NRDE2: variants seen among roughly 807,000 people sequenced by gnomAD.
NRDE2 encodes NRDE-2, necessary for RNA interference, domain containing.
A neutral mutation model predicts 124.2 loss-of-function variants in NRDE2; 76 were observed. The observed-to-expected ratio is 0.61, with a 90% confidence interval of 0.51 to 0.74. NRDE2 has a LOEUF of 0.74. NRDE2 is among the 30% of genes least tolerant of loss of function. The pLI is 0.00. For synonymous variants in NRDE2, 489 were observed against 528.1 expected (o/e 0.93, Z 1.01); for missense variants, 1,314 against 1,417.3 (o/e 0.93, Z 1.17).
At chr14:90,308,413 C>G (rs546567761) in intron 4 of NRDE2, among the ~76,000 whole-genome samples, 1 of 152,124 alleles carries the variant, frequency 6.6e-6, no homozygotes, top group Non-Finnish European at 1.5e-5. Context: ...TCTGACTTCC[C>G]GGAACTTCCA....
chr14:90,313,791 T>C (rs899037845), intron 3 of NRDE2, among the ~76,000 whole-genome samples: 4 of 152,190 alleles, frequency 2.6e-5, no homozygotes, highest in Non-Finnish European at 5.9e-5. Context: ...TCTTAATTAT[T>C]CTTGGCAGGG....
chr14:90,305,506 A>C (rs866952590), intron 4 of NRDE2, among the ~76,000 whole-genome samples: 1 of 152,230 alleles, frequency 6.6e-6, no homozygotes, highest in Non-Finnish European at 1.5e-5. Context: ...CTAACAGCCA[A>C]ACACTGAAAG....
chr14:90,331,254 T>G (rs1885686913), intron 1 of NRDE2, among the ~76,000 whole-genome samples: 1 of 152,204 alleles, frequency 6.6e-6, no homozygotes, highest in Non-Finnish European at 1.5e-5. Flanking sequence ...GCAGCTCTGC[T>G]GGAAATGTCT....
chr14:90,314,882 C>T (rs1399792323), intron 3 of NRDE2, among the ~76,000 whole-genome samples: 4 of 151,756 alleles, frequency 2.6e-5, no homozygotes, highest in Non-Finnish European at 5.9e-5. Context: ...AAAGAGCAAG[C>T]TTGGGGGCTG....
rs778321328 is a variant in NRDE2 at position 90,289,041 on chromosome 14, GT to G, written c.2333del (p.Asn778ThrfsTer38). On this transcript the variant is annotated frameshift_variant, in exon 11 of 14. Coordinates refer to ENST00000354366, the MANE Select transcript of NRDE2 (RefSeq NM_017970.4). LOFTEE classifies it high-confidence loss of function. The stretch of plus-strand genomic sequence containing the variant: ...CATACTGCTTCCACAGGCAAAAGTT[GT>G]TGCAGTTTTCTGGCTCCTTAAGGAG... The part of the protein sequence containing the change: ...KNLLKEPENC[N>X]NFCLWKQYAH... 1 of 1,614,050 alleles carries G rather than the reference GT, an allele frequency of 6.2e-7. No homozygotes were observed. The highest frequency in any genetic ancestry group is 1.3e-5 in the African/African-American group (1 of 74,928).
At chr14:90,316,919 C>A in intron 2 of NRDE2, 108 bp from the exon 3 acceptor site, 1 of 762,302 alleles carries the variant, frequency 1.3e-6, no homozygotes, top group Non-Finnish European at 2.1e-6. Context: ...TAAATGTTCA[C>A]ACAGATTTAC....
In NRDE2 at chr14:90,312,446, G is replaced by A. The variant is rs755402107; in HGVS notation, c.505C>T (p.Pro169Ser). Residue 169 changes from proline (P) to serine (S), a missense_variant, in exon 4 of 14, where the codon CCA (proline) becomes TCA (serine). Transcript: ENST00000354366. Reference protein sequence around the residue: ...TGETFRTDKKPDPANWEYKSL... With the variant: ...TGETFRTDKKSDPANWEYKSL... The stretch of plus-strand genomic sequence containing the variant: ...TTGTACTCCCAGTTCGCAGGATCTG[G>A]TTTCTTATCTGTTCTGAAGGTTTCT... 6.2e-7 allele frequency: 1 copy of A among 1,614,082 alleles called. No homozygotes were observed. The highest frequency in any genetic ancestry group is 2.2e-5 in the East Asian group (1 of 44,878).
intron 11 of NRDE2, 95 bp from the exon 12 acceptor site, chr14:90,286,587 A>C: frequency 6.8e-7 from 1 of 1,464,080 alleles, no homozygotes; most frequent in Non-Finnish European, 9.2e-7. Context: ...TGTCAGCAAC[A>C]ACCAGATCAG....
At chr14:90,316,177 T>G (rs1885040138) in intron 3 of NRDE2, among the ~76,000 whole-genome samples, 1 of 151,696 alleles carries the variant, frequency 6.6e-6, no homozygotes, top group Admixed American at 6.6e-5. Flanking sequence ...CACACAGGAG[T>G]TGATAGGAGT....
At position 90,268,331 on chromosome 14, in the gene NRDE2, G is replaced by A; in HGVS notation, c.*10005C>T. ...GTACCTAGGTGATGGGCCCAAACTC[G>A]TACGGGAATTGTTCCGAGTTGCTGA... On this transcript the variant is annotated 3_prime_UTR_variant, in exon 14 of 14. Coordinates refer to ENST00000354366, the MANE Select transcript of NRDE2 (RefSeq NM_017970.4). 2 of 1,613,622 alleles carry A rather than the reference G, an allele frequency of 1.2e-6. No homozygotes were observed. Among genetic ancestry groups the A allele is most frequent in the Non-Finnish European group, 1.7e-6 (2 of 1,179,616 alleles).
At position 90,273,058 on chromosome 14, in the gene NRDE2, T is replaced by A. The variant is rs1056087432; in HGVS notation, c.*5278A>T. On this transcript the variant is annotated 3_prime_UTR_variant, in exon 14 of 14. Coordinates refer to ENST00000354366, the MANE Select transcript of NRDE2 (RefSeq NM_017970.4). ...ATCCCTTTCAAGGTGTTCAGAAACA[T>A]GTCAGAACTTCCCCTTCCCTTTCTC... 1.3e-5 allele frequency: 2 copies of A among 152,202 alleles called. No homozygotes were observed. Among genetic ancestry groups the A allele is most frequent in the African/African-American group, 4.8e-5 (2 of 41,450 alleles). 9.4% of individuals were successfully genotyped at this position (152,202 alleles called of 1,614,324 possible). A position where few individuals can be genotyped will look rare whatever the true frequency, so the allele number is the denominator to read the frequency against.
At chr14:90,299,408 G>GGAGCATTAGGTCTGCA (rs1555360532) in intron 7 of NRDE2, among the ~76,000 whole-genome samples, 1 of 151,836 alleles carries the variant, frequency 6.6e-6, no homozygotes, top group Non-Finnish European at 1.5e-5. Context: ...TCGAGCATTA[G>GGAGCATTAGGTCTGCA]GTGTGTGGTA....
intron 12 of NRDE2, 65 bp downstream of exon 12, chr14:90,286,289 C>T (rs532175234): frequency 6.5e-7 from 1 of 1,531,304 alleles, no homozygotes; most frequent in East Asian, 2.3e-5. Context: ...TCATAAATAC[C>T]TTCTCATTTA....
Position 90,304,097 on chromosome 14 carries a change from A to T in NRDE2, c.843T>A (p.His281Gln). ...PLGIYDQSTT[H>Q]WLQGQGPPEQ... ...CTGGAGGACCCTGTCCTTGTAGCCA[A>T]TGTGTGGTTGACTGATCATAAATCC... Residue 281 changes from histidine (H) to glutamine (Q), a missense_variant, in exon 5 of 14, where the codon CAT becomes CAA. Physicochemically the swap from His to Gln is conservative, Grantham distance 24 (BLOSUM62 0). Coordinates refer to ENST00000354366, the MANE Select transcript of NRDE2 (RefSeq NM_017970.4). The T allele has an allele frequency of 6.2e-7, 1 of 1,614,166 alleles. No individual in the cohort carries two copies. The highest frequency in any genetic ancestry group is 2.2e-5 in the East Asian group (1 of 44,878).
intron 2 of NRDE2, among the ~76,000 whole-genome samples, chr14:90,317,490 G>A (rs549452753): frequency 8.6e-5 from 13 of 152,038 alleles, no homozygotes; most frequent in South Asian, 4.1e-4. Context: ...TTAGAGTACC[G>A]GGTTTCACAA....
At chr14:90,298,495 G>T in intron 7 of NRDE2, 115 bp from the exon 8 acceptor site, 2 of 1,101,264 alleles carry the variant, frequency 1.8e-6, no homozygotes, top group Non-Finnish European at 2.7e-6. Flanking sequence ...AATCATGTTT[G>T]CCATCAGTCT....
intron 1 of NRDE2, among the ~76,000 whole-genome samples, chr14:90,328,862 A>C (rs1885558081): frequency 2.6e-5 from 4 of 152,212 alleles, no homozygotes; most frequent in Admixed American, 2.6e-4. Flanking sequence ...ACCGATTTAT[A>C]CTGAAAGAGA....
In NRDE2 at chr14:90,289,105, T is replaced by G; in HGVS notation, c.2270A>C (p.Lys757Thr). 1.2e-6 allele frequency: 2 copies of G among 1,611,106 alleles called. No homozygotes were observed. Among genetic ancestry groups the G allele is most frequent in the Non-Finnish European group, 1.7e-6 (2 of 1,177,832 alleles). Residue 757 changes from lysine (K) to threonine (T), a missense_variant, in exon 11 of 14, where the codon AAG (lysine) becomes ACG (threonine). Coordinates refer to ENST00000354366, the MANE Select transcript of NRDE2 (RefSeq NM_017970.4). ...TTTTTTGCAGTTCTTCCCTTGAGACTTTAATCTCTTCTTGTTTTTAGTGTG... is the reference window on the plus strand; with the variant it reads ...TTTTTTGCAGTTCTTCCCTTGAGACGTTAATCTCTTCTTGTTTTTAGTGTG... ...CLHTKNKKRL[K>T]SQGKNCKKLA...
At chr14:90,311,072 A>G (rs1483591669) in intron 4 of NRDE2, among the ~76,000 whole-genome samples, 1 of 152,220 alleles carries the variant, frequency 6.6e-6, no homozygotes, top group Non-Finnish European at 1.5e-5. Context: ...TGTCAGGATG[A>G]GTGACAATAG....
Sources: allele counts gnomAD v4.1 joint callset (sites outside exome capture counted in the v4.1 genomes callset), GRCh38; gene constraint gnomAD v4.1.1; transcripts MANE v1.5; gene names NCBI Gene and HGNC (gene_info 2026-07-23, HGNC 2026-07-21).